SLC44A3: variants seen among roughly 807,000 people sequenced by gnomAD.
SLC44A3 encodes choline transporter-like protein 3.
In SLC44A3, 74 loss-of-function variants were observed where a neutral mutation model predicts 75.4. That is an observed-to-expected ratio of 0.98 (90% CI 0.81 to 1.19). SLC44A3 has a LOEUF of 1.19. SLC44A3 is among the 50% of genes most tolerant of loss of function. SLC44A3 has a pLI of 0.00. For synonymous variants in SLC44A3, 310 were observed against 296.9 expected, an observed-to-expected ratio of 1.04 and a Z score of -0.45; for missense variants, 700 against 778.6, an observed-to-expected ratio of 0.90 and a Z score of 1.20.
intron 12 of SLC44A3, among the ~76,000 whole-genome samples, chr1:94,883,159 T>C (rs1386810915): frequency 6.6e-6 from 1 of 150,686 alleles, no homozygotes; most frequent in Non-Finnish European, 1.5e-5. Flanking sequence ...CCACAGCAGG[T>C]GTGTGAAGGG....
chr1:94,876,363 C>T (rs1338592554), intron 12 of SLC44A3, among the ~76,000 whole-genome samples: 1 of 152,188 alleles, frequency 6.6e-6, no homozygotes, highest in Non-Finnish European at 1.5e-5. Context: ...TTCTTTGGGG[C>T]ATTGCTCTTT....
rs749063887 is a variant in SLC44A3, at chr1:94,845,386, C to T, written c.994C>T (p.Gln332Ter). Residue 332 changes from glutamine to a stop codon, truncating the protein, a stop_gained, in exon 9 of 15, where the codon CAG (glutamine) becomes TAG (stop). Coordinates refer to ENST00000271227, the MANE Select transcript of SLC44A3 (RefSeq NM_001114106.3). LOFTEE classifies it high-confidence loss of function. ...AISSAPFLLF[Q>*]PLWTFAILIF... The stretch of plus-strand genomic sequence containing the variant: ...CAGCAGTGCTCCCTTCCTGCTGTTC[C>T]AGCCACTGTGGACATTTGCCATCCT... 1.9e-6 allele frequency: 3 copies of T among 1,614,026 alleles called. No individual in the cohort carries two copies. The African/African-American group carries it at 4.0e-5, about 22-fold the overall frequency.
chr1:94,875,633 G>A (rs2391403), intron 12 of SLC44A3, among the ~76,000 whole-genome samples: 147,696 of 152,208 alleles, frequency 0.97, 71,769 homozygotes, highest in Middle Eastern at 1. Flanking sequence ...GCAATATGGA[G>A]GAGGCCATGC....
chr1:94,834,129 C>T (rs577406329), intron 5 of SLC44A3, among the ~76,000 whole-genome samples: 6 of 152,126 alleles, frequency 3.9e-5, no homozygotes, highest in Admixed American at 2.0e-4. Context: ...ATACTAGAAT[C>T]GATTATAGGG....
In SLC44A3 at chr1:94,888,652, T is replaced by TTG. The variant is rs560368211; in HGVS notation, c.1483-2477_1483-2476dup. 1.3e-3 allele frequency: 1,278 copies of TTG among 985,030 alleles called. 16 individuals carry two copies. In the African/African-American group the frequency reaches 0.021, roughly 16 times the overall value. The allele number at this position is 985,030 out of a possible 1,614,324, so 61.0% of individuals were successfully genotyped here. Reference sequence around the variant, plus strand: ...CCTTGTGGAACTTTCTTTTTTTTTTTTGCAGGAAATTCATCTGACGTCTCA... The same window carrying TTG: ...CCTTGTGGAACTTTCTTTTTTTTTTTTGTGCAGGAAATTCATCTGACGTCTCA... On this transcript the variant is annotated intron_variant, in intron 12 of 14. Coordinates refer to ENST00000271227, the MANE Select transcript of SLC44A3 (RefSeq NM_001114106.3).
At chr1:94,872,389 C>T (rs867211080) in intron 12 of SLC44A3, among the ~76,000 whole-genome samples, 14 of 152,018 alleles carry the variant, frequency 9.2e-5, no homozygotes, top group Non-Finnish European at 1.5e-4. Flanking sequence ...AGCCACCGTG[C>T]CCGGCCTTTT....
At chr1:94,880,566 T>C (rs1390063030) in intron 12 of SLC44A3, among the ~76,000 whole-genome samples, 1 of 151,634 alleles carries the variant, frequency 6.6e-6, no homozygotes, top group East Asian at 1.9e-4. Flanking sequence ...ATTTGTCAAA[T>C]ATGGTATTTT....
Position 94,821,041 on chromosome 1 carries a change from C to A in SLC44A3, c.120C>A (p.Leu40=). The change falls in exon 2 of 15, where the codon CTC becomes CTA. Residue 40 remains leucine, a synonymous_variant. Coordinates refer to ENST00000271227, the MANE Select transcript of SLC44A3 (RefSeq NM_001114106.3). ...TDTAWLFLFF[L]FWTGLVFIMG... The stretch of plus-strand genomic sequence containing the variant: ...CGGCATGGTTATTCCTGTTCTTTCT[C>A]TTTTGGACTGGTTTGGTAAGTGTGG... 6.4e-7 allele frequency: 1 copy of A among 1,551,204 alleles called. No homozygotes were observed.
In SLC44A3 at chr1:94,862,212, C is replaced by G. The variant is rs567175258; in HGVS notation, c.1239-2531C>G. 1.6e-4 allele frequency among the ~76,000 whole-genome samples: 25 copies of G among 152,352 alleles called. No homozygotes were observed. In the South Asian group the frequency reaches 5.2e-3, roughly 32 times the overall value. On this transcript the variant is annotated intron_variant, in intron 10 of 14. Transcript: ENST00000271227. ...AGAAATACTGGAAGAGACATGGTCTCTACAGGGACCACACAGTCCTTTGCT... is the reference window on the plus strand; with the variant it reads ...AGAAATACTGGAAGAGACATGGTCTGTACAGGGACCACACAGTCCTTTGCT...
At position 94,824,508 on chromosome 1, in the gene SLC44A3, T is replaced by C. The variant is rs145608976; in HGVS notation, c.151T>C (p.Tyr51His). 307 of 1,605,790 alleles carry C rather than the reference T, an allele frequency of 1.9e-4. No individual in the cohort carries two copies. The African/African-American group carries it at 3.5e-3, about 18-fold the overall frequency. ...TTTTTGCCAGGTGTTTATCATGGGC[T>C]ACTCGGTGGTGGCTGGAGCCGCGGG... ...FWTGLVFIMG[Y>H]SVVAGAAGRL... The change falls in exon 3 of 15, where the codon TAC becomes CAC. Residue 51 changes from tyrosine (Y) to histidine (H), a missense_variant. Tyr to His is a moderately conservative substitution (Grantham distance 83). Transcript: ENST00000271227.
At chr1:94,848,440 A>G (rs1664744715) in intron 9 of SLC44A3, among the ~76,000 whole-genome samples, 1 of 152,106 alleles carries the variant, frequency 6.6e-6, no homozygotes, top group Non-Finnish European at 1.5e-5. Flanking sequence ...CCTCTAGAGA[A>G]TCATCAGAGA....
Position 94,892,531 on chromosome 1 carries a change from T to G in SLC44A3, c.1857+14T>G. 6.2e-7 allele frequency: 1 copy of G among 1,610,426 alleles called. No homozygotes were observed. Among genetic ancestry groups the G allele is most frequent in the Non-Finnish European group, 8.5e-7 (1 of 1,177,028 alleles). Reference sequence around the variant, plus strand: ...CAAGAATTTCTGGTAAGCAAACATTTCATTTCCAATTGCAATCTCCATGCT... The same window carrying G: ...CAAGAATTTCTGGTAAGCAAACATTGCATTTCCAATTGCAATCTCCATGCT... On this transcript the variant is annotated intron_variant, in intron 14 of 14. Coordinates refer to ENST00000271227, the MANE Select transcript of SLC44A3 (RefSeq NM_001114106.3).
At chr1:94,860,249 A>G (rs1311495513) in intron 10 of SLC44A3, among the ~76,000 whole-genome samples, 1 of 152,222 alleles carries the variant, frequency 6.6e-6, no homozygotes, top group Non-Finnish European at 1.5e-5. Flanking sequence ...TGAGAAAACA[A>G]GACTCTTGAG....
chr1:94,820,956 C>A lies in SLC44A3; in HGVS notation c.35C>A (p.Ala12Glu). 6.4e-7 allele frequency: 1 copy of A among 1,550,700 alleles called. No homozygotes were observed. Among genetic ancestry groups the A allele is most frequent in the Non-Finnish European group, 8.7e-7 (1 of 1,146,344 alleles). Residue 12 changes from alanine (A) to glutamate (E), a missense_variant, in exon 2 of 15, where the codon GCA becomes GAA. By Grantham distance (107) the Ala-to-Glu change is moderately radical. Transcript: ENST00000271227. ...TCTCCCTTTTTCTGGAAGGTTTCTG[C>A]AGAAGGAGCCCCTAGGCAAAGGGAG... ...HCLGAEYLVS[A>E]EGAPRQREWR...
chr1:94,881,635 C>T (rs1209491629), intron 12 of SLC44A3, among the ~76,000 whole-genome samples: 4 of 149,236 alleles, frequency 2.7e-5, no homozygotes, highest in African/African-American at 5.0e-5. Flanking sequence ...ACCCGGGAGG[C>T]GAAGCTTGCA....
chr1:94,875,564 A>C (rs997104152), intron 12 of SLC44A3, among the ~76,000 whole-genome samples: 3 of 152,166 alleles, frequency 2.0e-5, no homozygotes, highest in Non-Finnish European at 4.4e-5. Context: ...GTATGTCTAC[A>C]TGAGCTGCCC....
rs1278415106 is a variant in SLC44A3, at chr1:94,857,421, C to A, written c.1159C>A (p.Leu387Ile). 6.2e-6 allele frequency: 10 copies of A among 1,613,988 alleles called. No individual in the cohort carries two copies. Among genetic ancestry groups the A allele is most frequent in the Non-Finnish European group, 8.5e-6 (10 of 1,180,014 alleles). Residue 387 changes from leucine to isoleucine, a missense_variant, in exon 10 of 15, where the codon CTC becomes ATC. By Grantham distance (5) the Leu-to-Ile change is conservative. Transcript: ENST00000271227. ...CATGTGGTCGTACCATTTAATTGGC[C>A]TCATCTGGACTAGTGAATTCATCCT... ...RYMWSYHLIG[L>I]IWTSEFILAC...
chr1:94,857,522 T>G (rs1325646353), intron 10 of SLC44A3, 22 bp downstream of exon 10: 2 of 1,597,756 alleles, frequency 1.3e-6, no homozygotes. Flanking sequence ...GTTTTTTTTC[T>G]ATTGGTTTGT....
intron 9 of SLC44A3, among the ~76,000 whole-genome samples, chr1:94,848,102 G>C (rs552465553): frequency 6.6e-6 from 1 of 152,040 alleles, no homozygotes; most frequent in African/African-American, 2.4e-5. Flanking sequence ...GGTGGCGGGC[G>C]CCTATAGTCC....
Sources: allele counts gnomAD v4.1 joint callset (sites outside exome capture counted in the v4.1 genomes callset), GRCh38; gene constraint gnomAD v4.1.1; transcripts MANE v1.5; gene names NCBI Gene and HGNC (gene_info 2026-07-23, HGNC 2026-07-21).